SLC22A15: variants seen among roughly 807,000 people sequenced by gnomAD.
The protein encoded by SLC22A15 is solute carrier family 22 member 15.
Under a neutral mutation model 62.7 loss-of-function variants are expected in SLC22A15, and 45 were observed. The ratio of observed to expected loss-of-function variants is 0.72; its 90% CI spans 0.56 to 0.92. The LOEUF (loss-of-function observed/expected upper bound fraction) is 0.92. Ranked by LOEUF, SLC22A15 falls within the 40% of genes least tolerant of loss-of-function variation. SLC22A15 has a pLI of 0.00. For synonymous variants in SLC22A15, 264 were observed against 267.0 expected (o/e 0.99, Z 0.11); for missense variants, 622 against 665.6 (o/e 0.93, Z 0.72).
chr1:116,064,095 G>A (rs952228287), intron 9 of SLC22A15, among the ~76,000 whole-genome samples: 4 of 152,080 alleles, frequency 2.6e-5, no homozygotes, highest in Non-Finnish European at 5.9e-5. Context: ...ATCATCCTTT[G>A]TGGATCCACT....
intron 2 of SLC22A15, among the ~76,000 whole-genome samples, chr1:115,998,050 G>T (rs1225483213): frequency 1.3e-5 from 2 of 152,058 alleles, no homozygotes; most frequent in African/African-American, 4.8e-5. Context: ...TGATTGTATG[G>T]TTTTTGTTCT....
chr1:116,036,230 G>T (rs1657624343), intron 7 of SLC22A15, among the ~76,000 whole-genome samples: 1 of 152,096 alleles, frequency 6.6e-6, no homozygotes, highest in South Asian at 2.1e-4. Context: ...ACCCCCAGTT[G>T]TGCCAGATGC....
chr1:116,053,739 G>A (rs1474144500), intron 8 of SLC22A15, among the ~76,000 whole-genome samples: 2 of 151,934 alleles, frequency 1.3e-5, no homozygotes, highest in Non-Finnish European at 2.9e-5. Context: ...AAGAGAGTGG[G>A]GGCGAATATT....
chr1:116,019,443 TAGAC>T (rs1656706575), intron 2 of SLC22A15, 135 bp from the exon 3 acceptor site: 14 of 789,938 alleles, frequency 1.8e-5, no homozygotes, highest in Non-Finnish European at 2.4e-5. Flanking sequence ...TTGTCTGAGA[TAGAC>T]AAATTCTACT....
intron 1 of SLC22A15, among the ~76,000 whole-genome samples, chr1:115,988,270 C>T (rs917085220): frequency 4.6e-5 from 7 of 151,946 alleles, no homozygotes; most frequent in Non-Finnish European, 8.8e-5. Flanking sequence ...TTTTATTAGG[C>T]AAAAATATGT....
intron 2 of SLC22A15, among the ~76,000 whole-genome samples, chr1:116,012,078 C>CT (rs761487630): frequency 6.6e-6 from 1 of 152,090 alleles, no homozygotes; most frequent in Non-Finnish European, 1.5e-5. Context: ...TGATTTTTTT[C>CT]TTTACCATTC....
chr1:116,038,622 G>A (rs558250728), intron 8 of SLC22A15, among the ~76,000 whole-genome samples: 1 of 152,364 alleles, frequency 6.6e-6, no homozygotes, highest in East Asian at 1.9e-4. Context: ...CTAATGCTAA[G>A]TAGAGGAGGA....
chr1:115,982,247 G>A (rs1198706313), intron 1 of SLC22A15, among the ~76,000 whole-genome samples: 1 of 152,098 alleles, frequency 6.6e-6, no homozygotes, highest in African/African-American at 2.4e-5. Flanking sequence ...GCCTTCATGG[G>A]ACATCATATA....
chr1:116,003,108 G>T (rs1048177059), intron 2 of SLC22A15, among the ~76,000 whole-genome samples: 3 of 152,120 alleles, frequency 2.0e-5, no homozygotes, highest in Non-Finnish European at 4.4e-5. Flanking sequence ...AGGGCAGCAG[G>T]TTCCCTTCTG....
At chr1:116,029,767 CAGAG>C (rs1195348550) in intron 5 of SLC22A15, among the ~76,000 whole-genome samples, 2 of 152,120 alleles carry the variant, frequency 1.3e-5, no homozygotes, top group African/African-American at 2.4e-5. Context: ...TTTGAAAACA[CAGAG>C]AGGCTAAGGG....
At chr1:116,056,136 TG>T (rs780569364) in intron 8 of SLC22A15, among the ~76,000 whole-genome samples, 3 of 151,896 alleles carry the variant, frequency 2.0e-5, no homozygotes, top group African/African-American at 4.8e-5. Context: ...GCAGATGACA[TG>T]ATTGTATATC....
intron 2 of SLC22A15, among the ~76,000 whole-genome samples, chr1:115,993,449 GTGTGTGTGTC>G (rs1197186807): frequency 8.7e-4 from 131 of 150,278 alleles, no homozygotes; most frequent in African/African-American, 2.9e-3. Context: ...GTGTGTGTGT[GTGTGTGTGTC>G]TGTCTGTCTG....
At chr1:115,985,123 C>T (rs979809802) in intron 1 of SLC22A15, among the ~76,000 whole-genome samples, 2 of 152,190 alleles carry the variant, frequency 1.3e-5, no homozygotes, top group Admixed American at 6.5e-5. Context: ...TTCAGTGACT[C>T]ACGCAGGGCA....
chr1:115,977,076 T>G (rs1654343383), intron 1 of SLC22A15, among the ~76,000 whole-genome samples: 1 of 152,202 alleles, frequency 6.6e-6, no homozygotes, highest in South Asian at 2.1e-4. Context: ...GCTGCAAATA[T>G]GAAGGGAATT....
intron 8 of SLC22A15, among the ~76,000 whole-genome samples, chr1:116,059,936 T>G (rs1456904685): frequency 6.6e-6 from 1 of 152,230 alleles, no homozygotes; most frequent in African/African-American, 2.4e-5. Flanking sequence ...ATAACCTCCT[T>G]GAGTTAGTAT....
At chr1:115,990,774 T>C (rs1198044296) in intron 1 of SLC22A15, among the ~76,000 whole-genome samples, 1 of 152,204 alleles carries the variant, frequency 6.6e-6, no homozygotes, top group Non-Finnish European at 1.5e-5. Context: ...TTTTTGTTTT[T>C]TGATACGGAG....
At chr1:116,030,207 A>AC (rs945964551) in intron 5 of SLC22A15, among the ~76,000 whole-genome samples, 1 of 151,966 alleles carries the variant, frequency 6.6e-6, no homozygotes, top group African/African-American at 2.4e-5. Context: ...TCCTGGGAAA[A>AC]CTCCTGCCTT....
chr1:116,046,793 CAGG>C lies in SLC22A15; in HGVS notation c.1171+9408_1171+9410del, dbSNP rs762029213. Among the ~76,000 whole-genome samples, 79 of 152,296 alleles carry C rather than the reference CAGG, an allele frequency of 5.2e-4. 1 individual carries two copies. The highest frequency in any genetic ancestry group is 1.7e-3 in the East Asian group (9 of 5,180). ...ACACATACCCCCACTGGAGAAACTG[CAGG>C]AGAAGTTTCCCACCTTACCTGGAGC... On this transcript the variant is annotated intron_variant, in intron 8 of 11. Transcript: ENST00000369503.
At chr1:116,045,383 A>T (rs1657906118) in intron 8 of SLC22A15, among the ~76,000 whole-genome samples, 1 of 151,964 alleles carries the variant, frequency 6.6e-6, no homozygotes. Context: ...AAGGATCTGG[A>T]CTATCCAAAA....
Sources: allele counts gnomAD v4.1 joint callset (sites outside exome capture counted in the v4.1 genomes callset), GRCh38; gene constraint gnomAD v4.1.1; transcripts MANE v1.5; gene names NCBI Gene and HGNC (gene_info 2026-07-23, HGNC 2026-07-21).